Variants in RDX observed in about 807,000 individuals in gnomAD.
RDX encodes radixin, also known as deafness, autosomal recessive 24.
RDX carries 32 observed loss-of-function variants against 83.7 expected under a neutral mutation model. The ratio of observed to expected loss-of-function variants is 0.38; its 90% CI spans 0.29 to 0.51. RDX has a LOEUF of 0.51. Ranked by LOEUF, RDX falls within the 20% of genes least tolerant of loss-of-function variation. RDX has a pLI of 0.87. For synonymous variants in RDX, 229 were observed against 222.7 expected (o/e 1.03, Z -0.25); for missense variants, 600 against 689.9 (o/e 0.87, Z 1.46).
chr11:110,217,090 C>G (rs1056606399), intron 14 of RDX, among the ~76,000 whole-genome samples: 4 of 152,178 alleles, frequency 2.6e-5, no homozygotes, highest in Non-Finnish European at 5.9e-5. Flanking sequence ...CATCTACCAT[C>G]TTGATTTAAA....
chr11:110,252,782 TTTTTTA>T lies in RDX; in HGVS notation c.959+1158_959+1163del, dbSNP rs200619769. Among the ~76,000 whole-genome samples the T allele has an allele frequency of 6.4e-3, 969 of 152,190 alleles. 11 individuals are homozygous for T. Among genetic ancestry groups the T allele is most frequent in the African/African-American group, 0.021 (874 of 41,534 alleles). On this transcript the variant is annotated intron_variant, in intron 9 of 13. Transcript: ENST00000645495. Reference sequence around the variant, plus strand: ...AGTAACAATCCAACTCATTACTCTTTTTTTTATTTTTATTTTTAAGAGAAAGGGTTT... The same window carrying T: ...AGTAACAATCCAACTCATTACTCTTTTTTTTATTTTTAAGAGAAAGGGTTT...
chr11:110,234,087 C>G (rs1025618956), intron 12 of RDX, among the ~76,000 whole-genome samples: 18 of 152,148 alleles, frequency 1.2e-4, no homozygotes, highest in Admixed American at 2.0e-4. Flanking sequence ...AACAATACCC[C>G]CTTTTTCTCA....
At chr11:110,233,598 T>C in intron 12 of RDX, 119 bp from the exon 13 acceptor site, 2 of 1,004,416 alleles carry the variant, frequency 2.0e-6, no homozygotes, top group Non-Finnish European at 3.0e-6. Context: ...TAGGCCCTAT[T>C]TATGAAACCT....
At chr11:110,195,004 T>TGTTTG (rs1565284783) in intron 15 of RDX, among the ~76,000 whole-genome samples, 1 of 142,468 alleles carries the variant, frequency 7.0e-6, no homozygotes, top group African/African-American at 2.7e-5. Flanking sequence ...TGTTTTGTTT[T>TGTTTG]GTTTGAGACA....
chr11:110,272,777 G>A, intron 2 of RDX, 158 bp from the exon 3 acceptor site: 1 of 628,514 alleles, frequency 1.6e-6, no homozygotes, highest in Non-Finnish European at 2.8e-6. Flanking sequence ...CCTCATTTAG[G>A]AACATCTATT....
At chr11:110,277,433 C>T (rs1191500924) in intron 2 of RDX, among the ~76,000 whole-genome samples, 1 of 152,084 alleles carries the variant, frequency 6.6e-6, no homozygotes, top group Non-Finnish European at 1.5e-5. Context: ...GATTCTCCTG[C>T]CTCAGCCTCC....
intron 2 of RDX, among the ~76,000 whole-genome samples, chr11:110,277,031 C>G (rs900228092): frequency 3.3e-5 from 5 of 152,154 alleles, no homozygotes; most frequent in African/African-American, 4.8e-5. Context: ...TTTCTAAAAT[C>G]CAAAAACTTC....
At chr11:110,262,790 T>A (rs1020036615) in intron 5 of RDX, among the ~76,000 whole-genome samples, 6 of 152,164 alleles carry the variant, frequency 3.9e-5, no homozygotes, top group African/African-American at 1.4e-4. Flanking sequence ...TCAGAGGTTT[T>A]AGGTCATGTA....
chr11:110,295,507 A>G (rs1591196165), intron 1 of RDX, among the ~76,000 whole-genome samples: 1 of 151,732 alleles, frequency 6.6e-6, no homozygotes, highest in African/African-American at 2.4e-5. Flanking sequence ...TTTAAAATAT[A>G]TTTTTATGAA....
chr11:110,231,481 A>G lies in RDX; in HGVS notation c.*388T>C. ...GAGAGAGAATGTGGAAATAGGTTAA[A>G]TATGGAAAGGGCAAGGGAAACCCAT... is the stretch of plus-strand genomic sequence containing the variant. On this transcript the variant is annotated 3_prime_UTR_variant, in exon 14 of 14. Coordinates refer to ENST00000645495, the MANE Select transcript of RDX (RefSeq NM_002906.4). 1 of 253,992 alleles carries G rather than the reference A, an allele frequency of 3.9e-6. No individual in the cohort carries two copies. Among genetic ancestry groups the G allele is most frequent in the Non-Finnish European group, 7.7e-6 (1 of 129,420 alleles). 15.7% of individuals were successfully genotyped at this position (253,992 alleles called of 1,614,324 possible). A position where few individuals can be genotyped will look rare whatever the true frequency, so the allele number is the denominator to read the frequency against.
chr11:110,288,680 T>C (rs1861086026), intron 1 of RDX, among the ~76,000 whole-genome samples: 1 of 152,226 alleles, frequency 6.6e-6, no homozygotes. Flanking sequence ...ATGGCAGTTC[T>C]ATTGCTATAA....
chr11:110,280,571 G>GAAAATATGAATGGAGA, intron 1 of RDX, among the ~76,000 whole-genome samples: 1 of 152,180 alleles, frequency 6.6e-6, no homozygotes, highest in African/African-American at 2.4e-5. Flanking sequence ...TTGTAAATTT[G>GAAAATATGAATGGAGA]AAAATATGAA....
At position 110,272,573 on chromosome 11, in the gene RDX, A is replaced by G. The variant is rs1412807538; in HGVS notation, c.59T>C (p.Ile20Thr). The change falls in exon 3 of 14, where the codon ATT becomes ACT. Residue 20 changes from isoleucine to threonine, a missense_variant. Ile to Thr is a moderately conservative substitution (Grantham distance 89). Transcript: ENST00000645495. ...TTMDAELEFAIQPNTTGKQLF... is the reference protein window; with the variant it reads ...TTMDAELEFATQPNTTGKQLF... ...TTGTTTGCCAGTTGTATTGGGCTGAATGGCAAATTCCAGCTCAGCATCCAT... is the reference window on the plus strand; with the variant it reads ...TTGTTTGCCAGTTGTATTGGGCTGAGTGGCAAATTCCAGCTCAGCATCCAT... 4 of 1,612,564 alleles carry G rather than the reference A, an allele frequency of 2.5e-6. No homozygotes were observed. The highest frequency in any genetic ancestry group is 1.3e-5 in the African/African-American group (1 of 75,026).
chr11:110,201,452 T>A (rs959347222), intron 14 of RDX, among the ~76,000 whole-genome samples: 1 of 152,032 alleles, frequency 6.6e-6, no homozygotes, highest in Non-Finnish European at 1.5e-5. Flanking sequence ...AAACTGCATG[T>A]ATGAGTTTCC....
At chr11:110,278,757 C>A (rs1591180129) in intron 2 of RDX, among the ~76,000 whole-genome samples, 4 of 151,160 alleles carry the variant, frequency 2.6e-5, no homozygotes, top group African/African-American at 9.7e-5. Context: ...TTGCGACCTG[C>A]TGAGTCTTTA....
chr11:110,189,243 T>TAAAAAAAAAAAAAAAAAAAAAAAAAAA (rs35450797), intron 15 of RDX, among the ~76,000 whole-genome samples: 18 of 35,592 alleles, frequency 5.1e-4, no homozygotes, highest in African/African-American at 9.4e-4. Context: ...GAACAACAGG[T>TAAAAAAAAAAAAAAAAAAAAAAAAAAA]AAAAAAAAAA....
chr11:110,187,797 C>T (rs1023065814), intron 15 of RDX, among the ~76,000 whole-genome samples: 2 of 152,242 alleles, frequency 1.3e-5, no homozygotes, highest in Non-Finnish European at 2.9e-5. Flanking sequence ...GAGTTCGGAC[C>T]ATGGTGCACT....
chr11:110,220,878 TAAAAAA>T (rs386374875), intron 14 of RDX, among the ~76,000 whole-genome samples: 2 of 109,338 alleles, frequency 1.8e-5, no homozygotes, highest in Non-Finnish European at 1.9e-5. Flanking sequence ...ACAGCCTCTG[TAAAAAA>T]AAAAAAAAAA....
chr11:110,282,459 T>A (rs767075529), intron 1 of RDX, among the ~76,000 whole-genome samples: 1 of 152,076 alleles, frequency 6.6e-6, no homozygotes. Flanking sequence ...TGTGGAAATA[T>A]ACCTGAAGAA....
Sources: gnomAD v4.1 joint callset for allele counts (sites outside exome capture counted in the v4.1 genomes callset) on GRCh38, gnomAD v4.1.1 for gene constraint, MANE v1.5 for transcripts, NCBI Gene and HGNC (gene_info 2026-07-23, HGNC 2026-07-21) for gene names.